Variants in SCN7A observed in about 807,000 individuals in gnomAD.
The protein encoded by SCN7A is sodium voltage-gated channel alpha subunit 7.
SCN7A carries 138 observed loss-of-function variants against 155.2 expected under a neutral mutation model. That is an observed-to-expected ratio of 0.89 (90% confidence interval 0.77 to 1.02). The LOEUF is 1.02. Among genes scored for constraint, SCN7A ranks in the 50% least tolerant of loss-of-function variants. The pLI, the probability that SCN7A is intolerant of heterozygous loss-of-function variation, is 0.00. For synonymous variants in SCN7A, 693 were observed against 649.0 expected, an observed-to-expected ratio of 1.07 and a Z score of -1.03; for missense variants, 2,058 against 1,986.6, an observed-to-expected ratio of 1.04 and a Z score of -0.68.
chr2:166,448,858 T>A (rs939501846), intron 11 of SCN7A, among the ~76,000 whole-genome samples: 1 of 152,218 alleles, frequency 6.6e-6, no homozygotes, highest in African/African-American at 2.4e-5. Flanking sequence ...GTTAACTTTA[T>A]AACTTTGTAA....
chr2:166,461,502 T>C (rs1021796423), intron 10 of SCN7A, among the ~76,000 whole-genome samples: 2 of 152,152 alleles, frequency 1.3e-5, no homozygotes, highest in African/African-American at 2.4e-5. Flanking sequence ...AAGCCTTCTG[T>C]TATTGTAACT....
chr2:166,470,150 A>T (rs1191542569), intron 7 of SCN7A, among the ~76,000 whole-genome samples: 1 of 151,868 alleles, frequency 6.6e-6, no homozygotes, highest in African/African-American at 2.4e-5. Context: ...CATTGATGGA[A>T]GATGAATTTT....
chr2:166,443,413 G>C (rs2105437403), intron 14 of SCN7A, 90 bp downstream of exon 14: 1 of 1,045,892 alleles, frequency 9.6e-7, no homozygotes, highest in Non-Finnish European at 1.4e-6. Flanking sequence ...ATGTCCCAAT[G>C]GGATAGGTAT....
intron 15 of SCN7A, among the ~76,000 whole-genome samples, chr2:166,440,376 G>A (rs1208290537): frequency 6.6e-6 from 1 of 152,138 alleles, no homozygotes; most frequent in East Asian, 1.9e-4. Context: ...AATCACCTGG[G>A]AACAGTGTTA....
intron 2 of SCN7A, among the ~76,000 whole-genome samples, chr2:166,478,914 C>T (rs778030562): frequency 6.6e-6 from 1 of 151,964 alleles, no homozygotes; most frequent in African/African-American, 2.4e-5. Context: ...TTCACACATA[C>T]AAATATTTTA....
chr2:166,457,974 A>G lies in SCN7A; in HGVS notation c.1084-898T>C, dbSNP rs79498761. 5.3e-3 allele frequency among the ~76,000 whole-genome samples: 801 copies of G among 152,328 alleles called. 45 individuals carry two copies. The East Asian group carries it at 0.12, about 22-fold the overall frequency. ...GATTAATAGAGAGTTCAAACATTCAATGAGAAATAATTTCTTGACCTAGAG... is the reference window on the plus strand; with the variant it reads ...GATTAATAGAGAGTTCAAACATTCAGTGAGAAATAATTTCTTGACCTAGAG... On this transcript the variant is annotated intron_variant, in intron 10 of 25. Coordinates refer to ENST00000643258, the MANE Select transcript of SCN7A (RefSeq NM_002976.4).
chr2:166,416,684 G>A, intron 21 of SCN7A, 23 bp downstream of exon 21: 1 of 1,560,616 alleles, frequency 6.4e-7, no homozygotes, highest in Non-Finnish European at 8.7e-7. Context: ...TAATTAATAA[G>A]GAAAAGTCAA....
In SCN7A at chr2:166,462,429, C is replaced by G. The variant is rs376513471; in HGVS notation, c.1043G>C (p.Arg348Pro). ...SFGWALFALF[R>P]LMAQDYPEVL... ...TTCAGGGTAATCCTGAGCCATTAAC[C>G]GAAATAGGGCAAATAAGGCCCAGCC... The change falls in exon 10 of 26, where the codon CGG becomes CCG. Residue 348 changes from arginine to proline, a missense_variant. Physicochemically the swap from Arg to Pro is moderately radical, Grantham distance 103 (BLOSUM62 -2). Transcript: ENST00000643258. 3 of 1,606,984 alleles carry G rather than the reference C, an allele frequency of 1.9e-6. No individual in the cohort carries two copies. The highest frequency in any genetic ancestry group is 4.5e-5 in the East Asian group (2 of 44,754).
At chr2:166,472,492 T>C in intron 5 of SCN7A, 47 bp from the exon 6 acceptor site, 1 of 1,376,924 alleles carries the variant, frequency 7.3e-7, no homozygotes, top group Non-Finnish European at 1.0e-6. Flanking sequence ...AATAATACAT[T>C]GTCAACTCTG....
chr2:166,410,212 T>A lies in SCN7A; in HGVS notation c.3711+8A>T, dbSNP rs754023916. 13 of 1,528,528 alleles carry A rather than the reference T, an allele frequency of 8.5e-6. No homozygotes were observed. The African/African-American group carries it at 1.4e-4, about 16-fold the overall frequency. The allele number at this position is 1,528,528 out of a possible 1,614,324, so 94.7% of individuals were successfully genotyped here. On this transcript the variant is annotated splice_region_variant and intron_variant, in intron 24 of 25. Coordinates refer to ENST00000643258, the MANE Select transcript of SCN7A (RefSeq NM_002976.4). ...TTGAAGTTTCAAAAAATCTAGACATTTTCTTACTAATGGGCGAGGTACTGG... is the reference window on the plus strand; with the variant it reads ...TTGAAGTTTCAAAAAATCTAGACATATTCTTACTAATGGGCGAGGTACTGG...
chr2:166,448,741 G>A (rs955218074), intron 11 of SCN7A, among the ~76,000 whole-genome samples: 3 of 152,150 alleles, frequency 2.0e-5, no homozygotes, highest in African/African-American at 7.2e-5. Context: ...TATTTGACAA[G>A]TAATTCAATA....
intron 15 of SCN7A, 91 bp from the exon 16 acceptor site, chr2:166,432,843 T>G: frequency 1.2e-6 from 1 of 840,460 alleles, no homozygotes; most frequent in South Asian, 2.0e-5. Flanking sequence ...ATGAGAACAT[T>G]TAATATCTAC....
At chr2:166,414,956 TA>T (rs1287802284) in intron 21 of SCN7A, among the ~76,000 whole-genome samples, 2 of 94,780 alleles carry the variant, frequency 2.1e-5, no homozygotes, top group Admixed American at 2.4e-4. Flanking sequence ...TAATATATAT[TA>T]TTATATAGGA....
chr2:166,465,702 T>C, intron 8 of SCN7A, 79 bp downstream of exon 8: 4 of 1,434,308 alleles, frequency 2.8e-6, no homozygotes. Context: ...AAATGTTGAG[T>C]GTTCAACATT....
chr2:166,429,667 C>A (rs1242240492), intron 16 of SCN7A, among the ~76,000 whole-genome samples: 1 of 151,976 alleles, frequency 6.6e-6, no homozygotes, highest in African/African-American at 2.4e-5. Flanking sequence ...AACAAATCAT[C>A]CCTTGATGCT....
At chr2:166,472,474 T>C (rs751857979) in intron 5 of SCN7A, 29 bp from the exon 6 acceptor site, 3 of 1,499,942 alleles carry the variant, frequency 2.0e-6, no homozygotes, top group East Asian at 2.3e-5. Context: ...ATAAATATTA[T>C]TGGTGAGAAT....
At chr2:166,471,145 G>A (rs536189703) in intron 6 of SCN7A, among the ~76,000 whole-genome samples, 2 of 151,986 alleles carry the variant, frequency 1.3e-5, no homozygotes, top group South Asian at 4.1e-4. Context: ...TGAGGATGAG[G>A]ATGATGGTGA....
chr2:166,466,149 C>T (rs1243273677), intron 7 of SCN7A, among the ~76,000 whole-genome samples, 162 bp from the exon 8 acceptor site: 1 of 152,034 alleles, frequency 6.6e-6, no homozygotes, highest in Non-Finnish European at 1.5e-5. Flanking sequence ...AATACTAAAT[C>T]AAAAGTTGAG....
chr2:166,422,780 T>C (rs1701537822), intron 19 of SCN7A, among the ~76,000 whole-genome samples: 1 of 152,176 alleles, frequency 6.6e-6, no homozygotes, highest in African/African-American at 2.4e-5. Context: ...TCACAACAGT[T>C]ACTCTGGTTG....
Sources: allele counts gnomAD v4.1 joint callset (sites outside exome capture counted in the v4.1 genomes callset), GRCh38; gene constraint gnomAD v4.1.1; transcripts MANE v1.5; gene names NCBI Gene and HGNC (gene_info 2026-07-23, HGNC 2026-07-21).